Variants in EXOC4 observed in about 807,000 individuals in gnomAD.
The protein encoded by EXOC4 is SEC8-like 1.
In EXOC4, 71 loss-of-function variants were observed where a neutral mutation model predicts 107.2. The ratio of observed to expected loss-of-function variants is 0.66; its 90% confidence interval spans 0.55 to 0.81. EXOC4 has a LOEUF of 0.81. Ranked by LOEUF, EXOC4 falls within the 30% of genes least tolerant of loss-of-function variation. The probability of loss-of-function intolerance (pLI) is 0.00; values close to 1 mark genes in which losing one functional copy is unlikely to be tolerated. For synonymous variants in EXOC4, 456 were observed against 441.2 expected (o/e 1.03, Z -0.42); for missense variants, 1,108 against 1,189.6 (o/e 0.93, Z 1.01).
intron 5 of EXOC4, among the ~76,000 whole-genome samples, chr7:133,355,878 C>T (rs1400931829): frequency 1.3e-5 from 2 of 152,066 alleles, no homozygotes; most frequent in Non-Finnish European, 2.9e-5. Flanking sequence ...ATTTATTTAT[C>T]ACTCTTCCCC....
intron 9 of EXOC4, chr7:133,602,106 A>G (rs888020482): frequency 6.6e-6 from 1 of 152,258 alleles, no homozygotes; most frequent in Non-Finnish European, 1.5e-5. Context: ...TTGTAAAAAT[A>G]TACAACTCCA....
chr7:133,911,291 A>C (rs1296873278), intron 12 of EXOC4, among the ~76,000 whole-genome samples: 1 of 152,154 alleles, frequency 6.6e-6, no homozygotes, highest in Non-Finnish European at 1.5e-5. Context: ...GGAATTCTGT[A>C]ACCCACATGA....
rs1800348813 is a variant in EXOC4, at chr7:133,938,207, C to T, written c.2206+138C>T. 6.3e-6 allele frequency: 5 copies of T among 796,742 alleles called. No homozygotes were observed. The Admixed American group carries it at 1.4e-4, about 22-fold the overall frequency. 49.4% of individuals were successfully genotyped at this position (796,742 alleles called of 1,614,324 possible). ...TCAGAAGATCCTGGTTAGAATTCTGCTTGTGTTGCACCTCTTGTACTTTGT... is the reference window on the plus strand; with the variant it reads ...TCAGAAGATCCTGGTTAGAATTCTGTTTGTGTTGCACCTCTTGTACTTTGT... On this transcript the variant is annotated intron_variant, in intron 14 of 17. Coordinates refer to ENST00000253861, the MANE Select transcript of EXOC4 (RefSeq NM_021807.4).
At chr7:133,695,461 AT>A (rs543728269) in intron 10 of EXOC4, among the ~76,000 whole-genome samples, 17 of 151,784 alleles carry the variant, frequency 1.1e-4, no homozygotes, top group Middle Eastern at 3.2e-3. Flanking sequence ...TGATATATTG[AT>A]TTTTTTTATT....
intron 9 of EXOC4, among the ~76,000 whole-genome samples, chr7:133,598,134 G>A (rs999338011): frequency 6.6e-6 from 1 of 152,132 alleles, no homozygotes; most frequent in Admixed American, 6.5e-5. Flanking sequence ...AAGCTACCAC[G>A]TAACACTTCT....
At chr7:133,808,851 G>T (rs1036017060) in intron 10 of EXOC4, among the ~76,000 whole-genome samples, 4 of 152,074 alleles carry the variant, frequency 2.6e-5, no homozygotes, top group African/African-American at 7.2e-5. Flanking sequence ...CCTTAGAGTG[G>T]TGTGCAGAAA....
intron 7 of EXOC4, among the ~76,000 whole-genome samples, chr7:133,405,831 ATAT>A (rs1265125702): frequency 1.3e-5 from 2 of 152,192 alleles, no homozygotes; most frequent in African/African-American, 4.8e-5. Context: ...CTCTCTCAAA[ATAT>A]TGTACTATAT....
chr7:133,810,780 GCCACCATGC>G (rs1200719107), intron 10 of EXOC4, among the ~76,000 whole-genome samples: 2 of 151,842 alleles, frequency 1.3e-5, no homozygotes, highest in Admixed American at 1.3e-4. Context: ...ACAGGCACCC[GCCACCATGC>G]CCTGGGGCTA....
chr7:133,468,043 A>G (rs1426921263), intron 7 of EXOC4, among the ~76,000 whole-genome samples: 2 of 152,172 alleles, frequency 1.3e-5, no homozygotes. Flanking sequence ...TTAAATAAAT[A>G]TATAATTTAA....
At chr7:133,410,159 A>G (rs536813029) in intron 7 of EXOC4, among the ~76,000 whole-genome samples, 2 of 152,210 alleles carry the variant, frequency 1.3e-5, no homozygotes, top group Non-Finnish European at 2.9e-5. Flanking sequence ...AAATGGTTTT[A>G]TGTCTATGAG....
chr7:133,461,911 T>C (rs913424662), intron 7 of EXOC4, among the ~76,000 whole-genome samples: 1 of 152,176 alleles, frequency 6.6e-6, no homozygotes, highest in Non-Finnish European at 1.5e-5. Flanking sequence ...AATGAAATCC[T>C]TGAGAGATAC....
chr7:133,448,499 G>A (rs1344848962), intron 7 of EXOC4, among the ~76,000 whole-genome samples: 1 of 151,830 alleles, frequency 6.6e-6, no homozygotes, highest in Non-Finnish European at 1.5e-5. Flanking sequence ...GTAGAGACAG[G>A]GTCTCACTAT....
intron 10 of EXOC4, among the ~76,000 whole-genome samples, chr7:133,788,691 C>T (rs1796641694): frequency 6.6e-6 from 1 of 152,118 alleles, no homozygotes; most frequent in African/African-American, 2.4e-5. Flanking sequence ...CGGGTTTTCA[C>T]CAAGTTGGCC....
intron 10 of EXOC4, among the ~76,000 whole-genome samples, chr7:133,659,913 G>A (rs961810437): frequency 6.6e-6 from 1 of 152,148 alleles, no homozygotes; most frequent in Non-Finnish European, 1.5e-5. Flanking sequence ...CATTTACGTG[G>A]ATAATTCCCA....
chr7:133,506,376 A>G (rs192649151), intron 9 of EXOC4, among the ~76,000 whole-genome samples: 1 of 152,254 alleles, frequency 6.6e-6, no homozygotes, highest in Admixed American at 6.5e-5. Flanking sequence ...AAAACTGTGT[A>G]TGTTCCCTAG....
intron 10 of EXOC4, among the ~76,000 whole-genome samples, chr7:133,779,200 T>C (rs1478645783): frequency 1.3e-5 from 2 of 152,178 alleles, no homozygotes; most frequent in Non-Finnish European, 2.9e-5. Flanking sequence ...GGCCACAGGG[T>C]TTTGCTTTCT....
At chr7:133,539,331 A>C in intron 9 of EXOC4, among the ~76,000 whole-genome samples, 1 of 150,990 alleles carries the variant, frequency 6.6e-6, no homozygotes, top group Admixed American at 6.6e-5. Context: ...TTATTATTTT[A>C]TTGTCTGACA....
chr7:133,653,764 T>G (rs1336841462), intron 10 of EXOC4, among the ~76,000 whole-genome samples: 1 of 152,190 alleles, frequency 6.6e-6, no homozygotes, highest in Admixed American at 6.5e-5. Flanking sequence ...TTCCTATTTC[T>G]GAACTGCCCA....
chr7:133,693,333 G>C (rs555286682), intron 10 of EXOC4, among the ~76,000 whole-genome samples: 1 of 152,306 alleles, frequency 6.6e-6, no homozygotes, highest in South Asian at 2.1e-4. Flanking sequence ...ATGTAGGCCG[G>C]AAGACTCAGC....
Sources: allele counts gnomAD v4.1 joint callset (sites outside exome capture counted in the v4.1 genomes callset), GRCh38; gene constraint gnomAD v4.1.1; transcripts MANE v1.5; gene names NCBI Gene and HGNC (gene_info 2026-07-23, HGNC 2026-07-21).